Variants in DLG5 observed in about 807,000 individuals in gnomAD.
The protein encoded by DLG5 is disks large homolog 5.
DLG5 carries 48 observed loss-of-function variants against 189.8 expected under a neutral mutation model. The ratio of observed to expected loss-of-function variants is 0.25; its 90% CI spans 0.20 to 0.32. The LOEUF (loss-of-function observed/expected upper bound fraction) is 0.32, where lower values mean the gene tolerates loss of function less well. Among genes scored for constraint, DLG5 ranks in the 10% least tolerant of loss-of-function variants. The probability of loss-of-function intolerance (pLI) is 1.00; values close to 1 mark genes in which losing one functional copy is unlikely to be tolerated. For missense variants in DLG5, 2,160 were observed against 2,544.7 expected (o/e 0.85, Z 3.25); for synonymous variants, 1,016 against 1,054.1 (o/e 0.96, Z 0.70).
intron 11 of DLG5, 150 bp from the exon 12 acceptor site, chr10:77,829,680 T>A: frequency 1.0e-6 from 1 of 985,726 alleles, no homozygotes; most frequent in Non-Finnish European, 1.5e-6. Context: ...TGCACAGTGG[T>A]GAAATTTGCA....
rs781300779 is a variant in DLG5, at chr10:77,821,463, C to T, written c.3021G>A (p.Ala1007=). Residue 1007 remains alanine (A), a synonymous_variant, in exon 15 of 32, where the codon GCG becomes GCA. Coordinates refer to ENST00000372391, the MANE Select transcript of DLG5 (RefSeq NM_004747.4). ...PAHSPQPSKR[A]GPLTPPKPPR... ...GAGGTTTTGGGGGTGTCAGAGGCCC[C>T]GCCCTCTTGGAGGGCTGGGGAGAGT... 1.4e-5 allele frequency: 23 copies of T among 1,612,542 alleles called. No individual in the cohort carries two copies. Among genetic ancestry groups the T allele is most frequent in the Admixed American group, 8.3e-5 (5 of 59,996 alleles).
intron 2 of DLG5, chr10:77,868,375 G>A: frequency 2.9e-6 from 1 of 350,572 alleles, no homozygotes; most frequent in East Asian, 7.5e-5. Context: ...GCACACTGGA[G>A]GTGTTCAAGA....
intron 1 of DLG5, among the ~76,000 whole-genome samples, chr10:77,887,865 G>A (rs1328675411): frequency 6.6e-6 from 1 of 152,242 alleles, no homozygotes; most frequent in Non-Finnish European, 1.5e-5. Flanking sequence ...ACACGCCTTT[G>A]TGTGTGCTCA....
rs1161178979 is a variant in DLG5, at chr10:77,843,367, A to T, written c.1124+80T>A. On this transcript the variant is annotated intron_variant, in intron 6 of 31. Transcript: ENST00000372391. Reference sequence around the variant, plus strand: ...TTTGATTGAAAAAGCACAATAACTCATGCTGTTCTCATCCCCTGGTGGTGG... The same window carrying T: ...TTTGATTGAAAAAGCACAATAACTCTTGCTGTTCTCATCCCCTGGTGGTGG... 1.1e-5 allele frequency: 17 copies of T among 1,520,840 alleles called. No individual in the cohort carries two copies. The East Asian group carries it at 3.8e-4, about 34-fold the overall frequency. 94.2% of individuals were successfully genotyped at this position (1,520,840 alleles called of 1,614,324 possible). A position where few individuals can be genotyped will look rare whatever the true frequency, so the allele number is the denominator to read the frequency against.
At chr10:77,918,237 C>A (rs369824816) in intron 1 of DLG5, among the ~76,000 whole-genome samples, 2 of 151,942 alleles carry the variant, frequency 1.3e-5, no homozygotes, top group Non-Finnish European at 2.9e-5. Flanking sequence ...ATGGGGAAAC[C>A]TTGTCTCTAC....
At chr10:77,864,909 A>C (rs575279977) in intron 2 of DLG5, among the ~76,000 whole-genome samples, 6 of 152,270 alleles carry the variant, frequency 3.9e-5, no homozygotes, top group Non-Finnish European at 8.8e-5. Context: ...CTCCAGCCAG[A>C]TCAAAGACTT....
intron 22 of DLG5, 39 bp downstream of exon 22, chr10:77,811,885 C>T: frequency 1.3e-6 from 2 of 1,574,380 alleles, no homozygotes; most frequent in East Asian, 2.3e-5. Context: ...CCCACCTCTC[C>T]ACCCCCAGCC....
intron 2 of DLG5, among the ~76,000 whole-genome samples, chr10:77,861,024 G>A (rs4979928): frequency 0.039 from 5,908 of 152,134 alleles, 242 homozygotes; most frequent in East Asian, 0.25. Flanking sequence ...AAAGCAATGC[G>A]GCAGGAACAG....
chr10:77,809,966 C>T (rs1332875321), intron 23 of DLG5, among the ~76,000 whole-genome samples: 1 of 152,130 alleles, frequency 6.6e-6, no homozygotes, highest in South Asian at 2.1e-4. Context: ...CAGTCAAAAC[C>T]GTAAATCAGT....
chr10:77,816,712 G>T lies in DLG5; in HGVS notation c.3875-11C>A, dbSNP rs1842071766. ...AATGTGACACTGAACCTGCAGAGAG[G>T]AGCGGGTAATGCCGGTGTGAACTCC... On this transcript the variant is annotated splice_polypyrimidine_tract_variant and intron_variant, in intron 19 of 31. Coordinates refer to ENST00000372391, the MANE Select transcript of DLG5 (RefSeq NM_004747.4). 1 of 1,596,042 alleles carries T rather than the reference G, an allele frequency of 6.3e-7. No homozygotes were observed. Among genetic ancestry groups the T allele is most frequent in the Admixed American group, 1.7e-5 (1 of 58,782 alleles).
At chr10:77,798,636 G>A (rs993428970) in intron 27 of DLG5, among the ~76,000 whole-genome samples, 4 of 152,144 alleles carry the variant, frequency 2.6e-5, no homozygotes, top group Non-Finnish European at 5.9e-5. Flanking sequence ...CTCCTTGTCC[G>A]GGGCTGTGTT....
chr10:77,932,612 A>G, the DLG5 span, among the ~76,000 whole-genome samples: 585 of 152,330 alleles, frequency 3.8e-3, 8 homozygotes, highest in Middle Eastern at 6.8e-3. Flanking sequence ...CCTGAGCAAC[A>G]TAGTGAGACC....
chr10:77,841,008 T>C (rs1054611471), intron 7 of DLG5, among the ~76,000 whole-genome samples: 9 of 152,178 alleles, frequency 5.9e-5, no homozygotes, highest in Admixed American at 2.6e-4. Flanking sequence ...TAAACCACCT[T>C]TGAAAGCTGC....
At chr10:77,927,670 T>C (rs1846740661), upstream of DLG5, 1 of 152,072 alleles carries the variant, frequency 6.6e-6, no homozygotes, top group Non-Finnish European at 1.5e-5. Context: ...AGTGAGGCGC[T>C]CTCCCCCTAA....
chr10:77,856,071 A>G (rs768620866), intron 3 of DLG5, among the ~76,000 whole-genome samples: 1 of 152,164 alleles, frequency 6.6e-6, no homozygotes, highest in Non-Finnish European at 1.5e-5. Flanking sequence ...GGGGCCAGAC[A>G]CTGTGGCTCA....
chr10:77,892,187 C>T (rs1220207697), intron 1 of DLG5, among the ~76,000 whole-genome samples: 2 of 152,214 alleles, frequency 1.3e-5, no homozygotes, highest in Non-Finnish European at 2.9e-5. Context: ...TGGCTCTGAT[C>T]GCAGTAGCAC....
At chr10:77,847,216 C>G (rs1843738181) in intron 5 of DLG5, among the ~76,000 whole-genome samples, 1 of 152,104 alleles carries the variant, frequency 6.6e-6, no homozygotes, top group African/African-American at 2.4e-5. Context: ...GTAGGATCCT[C>G]GGGTCAGAAG....
chr10:77,819,073 C>G (rs1842202466), intron 17 of DLG5, among the ~76,000 whole-genome samples: 1 of 152,226 alleles, frequency 6.6e-6, no homozygotes, highest in African/African-American at 2.4e-5. Flanking sequence ...AGCACAGTGG[C>G]TGGGACATAA....
chr10:77,893,877 G>A (rs531126778), intron 1 of DLG5, among the ~76,000 whole-genome samples: 37 of 152,330 alleles, frequency 2.4e-4, no homozygotes, highest in African/African-American at 7.5e-4. Flanking sequence ...CCTTCCCAGA[G>A]CTGAGTCCTC....
Sources: allele counts gnomAD v4.1 joint callset (sites outside exome capture counted in the v4.1 genomes callset), GRCh38; gene constraint gnomAD v4.1.1; transcripts MANE v1.5; gene names NCBI Gene and HGNC (gene_info 2026-07-23, HGNC 2026-07-21).